ADARB2: variants seen among roughly 807,000 people sequenced by gnomAD.
ADARB2 encodes inactive double-stranded RNA-specific editase B2.
In ADARB2, 25 loss-of-function variants were observed where a neutral mutation model predicts 62.2. That is an observed-to-expected ratio of 0.40 (90% CI 0.29 to 0.56). The LOEUF (loss-of-function observed/expected upper bound fraction) is 0.56. Among genes scored for constraint, ADARB2 ranks in the 20% least tolerant of loss-of-function variants. The pLI is 0.43. For missense variants in ADARB2, 1,071 were observed against 1,077.4 expected (o/e 0.99, Z 0.08); for synonymous variants, 572 against 500.8 (o/e 1.14, Z -1.90).
Position 1,181,319 on chromosome 10 carries a change from A to T in ADARB2, c.*1874T>A, listed in dbSNP as rs1209762900. On this transcript the variant is annotated 3_prime_UTR_variant, in exon 10 of 10. Coordinates refer to ENST00000381312, the MANE Select transcript of ADARB2 (RefSeq NM_018702.4). The stretch of plus-strand genomic sequence containing the variant: ...TGATGTCAAGTTACCAGAACTTAAT[A>T]GAAACTGGTCGTTTGAGCTTAGCTT... The T allele has an allele frequency of 6.6e-6, 1 of 152,270 alleles. No homozygotes were observed. The highest frequency in any genetic ancestry group is 6.5e-5 in the Admixed American group (1 of 15,286). The allele number at this position is 152,270 out of a possible 1,614,324, so 9.4% of individuals were successfully genotyped here.
At position 1,363,659 on chromosome 10, in the gene ADARB2, C is replaced by G; in HGVS notation, c.446G>C (p.Gly149Ala). 1 of 1,607,846 alleles carries G rather than the reference C, an allele frequency of 6.2e-7. No individual in the cohort carries two copies. Among genetic ancestry groups the G allele is most frequent in the Non-Finnish European group, 8.5e-7 (1 of 1,177,192 alleles). Residue 149 changes from glycine (G) to alanine (A), a missense_variant, in exon 3 of 10, where the codon GGC (glycine) becomes GCC (alanine). Transcript: ENST00000381312. The stretch of plus-strand genomic sequence containing the variant: ...CGCGAAGACCGGGGCATGCACCGGG[C>G]CCGTCTGCGACACTGTCCGGTACTG... The part of the protein sequence containing the change: ...GLQYRTVSQT[G>A]PVHAPVFAVA...
chr10:1,261,190 C>T (rs1316659901), intron 4 of ADARB2, among the ~76,000 whole-genome samples: 2 of 147,388 alleles, frequency 1.4e-5, no homozygotes, highest in Non-Finnish European at 3.0e-5. Context: ...GACCTAAAAC[C>T]ATAAAAACCC....
chr10:1,435,210 G>A (rs1301200313), intron 1 of ADARB2, among the ~76,000 whole-genome samples: 16 of 152,232 alleles, frequency 1.1e-4, no homozygotes, highest in Admixed American at 1.0e-3. Context: ...TGGCTGGGGG[G>A]CTGGGAGCAG....
intron 1 of ADARB2, among the ~76,000 whole-genome samples, chr10:1,467,423 C>T (rs1384619060): frequency 6.6e-6 from 1 of 152,184 alleles, no homozygotes; most frequent in Admixed American, 6.5e-5. Flanking sequence ...ATCTCCTTCT[C>T]AGTTTCTTCA....
At chr10:1,428,325 C>T (rs1253216415) in intron 1 of ADARB2, among the ~76,000 whole-genome samples, 6 of 147,976 alleles carry the variant, frequency 4.1e-5, no homozygotes, top group East Asian at 2.0e-4. Context: ...CTTGTTTTGT[C>T]ACCCAGGCTG....
rs867106912 is a variant in ADARB2, at chr10:1,398,179, G to A, written c.101-19019C>T. On this transcript the variant is annotated intron_variant, in intron 1 of 9. Transcript: ENST00000381312. The surrounding 1 kb of genome is among the most constrained non-coding windows in gnomAD (Gnocchi z 4.1). ...TCCTGGGTCACCGTCCTCCTCTCCC[G>A]TCCCGAGTGCAGGCTTCCTGGGTCA... Among the ~76,000 whole-genome samples the A allele has an allele frequency of 1.9e-5, 1 of 51,610 alleles. No homozygotes were observed. The highest frequency in any genetic ancestry group is 3.8e-5 in the Non-Finnish European group (1 of 26,136). 33.9% of individuals were successfully genotyped at this position (51,610 alleles called of 152,430 possible). A position where few individuals can be genotyped will look rare whatever the true frequency, so the allele number is the denominator to read the frequency against.
At chr10:1,345,101 G>A (rs1029385454) in intron 3 of ADARB2, among the ~76,000 whole-genome samples, 1 of 151,706 alleles carries the variant, frequency 6.6e-6, no homozygotes, top group African/African-American at 2.4e-5. Context: ...CCTCGGGTGT[G>A]AGCCAGGAGG....
intron 1 of ADARB2, among the ~76,000 whole-genome samples, chr10:1,583,792 A>C (rs1833137549): frequency 6.6e-6 from 1 of 152,196 alleles, no homozygotes; most frequent in African/African-American, 2.4e-5. Context: ...GCTGAAGGAG[A>C]AGCACCAACT....
At chr10:1,223,266 T>C (rs2131760529) in intron 6 of ADARB2, among the ~76,000 whole-genome samples, 1 of 152,350 alleles carries the variant, frequency 6.6e-6, no homozygotes, top group East Asian at 1.9e-4. Context: ...ACATTGATTT[T>C]GTATCCTGAG....
At chr10:1,399,429 A>G (rs1832643397) in intron 1 of ADARB2, among the ~76,000 whole-genome samples, 1 of 149,844 alleles carries the variant, frequency 6.7e-6, no homozygotes, top group South Asian at 2.2e-4. Flanking sequence ...CTGGCCAATC[A>G]TATCTTTTTT....
At chr10:1,647,929 G>A (rs1309889304) in intron 1 of ADARB2, among the ~76,000 whole-genome samples, 2 of 151,826 alleles carry the variant, frequency 1.3e-5, no homozygotes, top group African/African-American at 4.8e-5. Context: ...TTAAATTTAG[G>A]GTATATCTCG....
intron 1 of ADARB2, among the ~76,000 whole-genome samples, chr10:1,684,227 A>G (rs1485133908): frequency 6.6e-6 from 1 of 152,234 alleles, no homozygotes; most frequent in Non-Finnish European, 1.5e-5. Flanking sequence ...TCTTTCTTAG[A>G]GAAGTTTTCT....
chr10:1,662,378 G>T (rs1834259652), intron 1 of ADARB2, among the ~76,000 whole-genome samples: 1 of 152,118 alleles, frequency 6.6e-6, no homozygotes, highest in Non-Finnish European at 1.5e-5. Flanking sequence ...ATTGAACCGG[G>T]GCAGGGCCCT....
chr10:1,283,889 G>T (rs527796740), intron 3 of ADARB2, among the ~76,000 whole-genome samples: 1 of 152,352 alleles, frequency 6.6e-6, no homozygotes, highest in East Asian at 1.9e-4. Flanking sequence ...AATTGTCAGG[G>T]ATTAAATGAT....
At chr10:1,702,255 G>C (rs1834831047) in intron 1 of ADARB2, among the ~76,000 whole-genome samples, 1 of 152,238 alleles carries the variant, frequency 6.6e-6, no homozygotes, top group East Asian at 1.9e-4. Context: ...GTAGCACTCT[G>C]TATAAAAGCA....
intron 1 of ADARB2, among the ~76,000 whole-genome samples, chr10:1,674,358 C>G (rs1005560796): frequency 9.9e-5 from 15 of 152,244 alleles, no homozygotes; most frequent in African/African-American, 3.6e-4. Context: ...TATGTTGGCA[C>G]TGGCTGCACT....
At chr10:1,668,356 G>C (rs1186113570) in intron 1 of ADARB2, among the ~76,000 whole-genome samples, 3 of 152,248 alleles carry the variant, frequency 2.0e-5, no homozygotes, top group Admixed American at 2.0e-4. Context: ...CATTGGAACA[G>C]TCAAAATACA....
At chr10:1,325,656 C>T (rs1324125812) in intron 3 of ADARB2, among the ~76,000 whole-genome samples, 1 of 152,204 alleles carries the variant, frequency 6.6e-6, no homozygotes, top group African/African-American at 2.4e-5. Flanking sequence ...CCTTCCTCCT[C>T]CATGGAGACT....
intron 1 of ADARB2, among the ~76,000 whole-genome samples, chr10:1,566,089 A>C (rs143395262): frequency 0.44 from 55,714 of 126,350 alleles, 13,764 homozygotes; most frequent in East Asian, 0.68. Context: ...AAAAAAAAAA[A>C]AAAAAAAAAA....
Sources: allele counts gnomAD v4.1 joint callset (sites outside exome capture counted in the v4.1 genomes callset), GRCh38; gene constraint gnomAD v4.1.1; non-coding constraint Gnocchi (gnomAD v3.1); transcripts MANE v1.5; gene names NCBI Gene and HGNC (gene_info 2026-07-23, HGNC 2026-07-21).